The following PRDM16 variants were observed in gnomAD, a reference collection of about 807,000 sequenced individuals.
PRDM16 encodes the protein PR/SET domain 16, also known as histone-lysine N-methyltransferase PRDM16.
PRDM16 carries 23 observed loss-of-function variants against 110.6 expected under a neutral mutation model. The observed-to-expected ratio is 0.21, with a 90% CI of 0.15 to 0.29. PRDM16 has a LOEUF of 0.29. PRDM16 is among the 10% of genes least tolerant of loss of function. The pLI is 1.00. For missense variants in PRDM16, 1,615 were observed against 1,794.3 expected (o/e 0.90, Z 1.81); for synonymous variants, 799 against 781.8 (o/e 1.02, Z -0.37).
chr1:3,141,041 G>A (rs2100701529), intron 1 of PRDM16, among the ~76,000 whole-genome samples: 1 of 152,316 alleles, frequency 6.6e-6, no homozygotes, highest in Non-Finnish European at 1.5e-5. Flanking sequence ...TGGCAAGAGG[G>A]CACAGGCAAG....
chr1:3,317,973 T>C (rs532671960), intron 3 of PRDM16, among the ~76,000 whole-genome samples: 27 of 152,308 alleles, frequency 1.8e-4, no homozygotes, highest in Non-Finnish European at 3.4e-4. Context: ...TAGCGCTAAT[T>C]TGAAACCTCA....
intron 3 of PRDM16, among the ~76,000 whole-genome samples, chr1:3,315,499 AT>A (rs1209047022): frequency 6.6e-6 from 1 of 152,230 alleles, no homozygotes; most frequent in East Asian, 1.9e-4. Flanking sequence ...TTTATAAGCC[AT>A]CAATAAGAAC....
At chr1:3,418,598 AT>A in intron 11 of PRDM16, 68 bp from the exon 12 acceptor site, 1 of 1,084,382 alleles carries the variant, frequency 9.2e-7, no homozygotes, top group Non-Finnish European at 1.4e-6. Context: ...GCTTGAAACC[AT>A]TTCTGGGAAA....
Position 3,411,715 on chromosome 1 carries a change from G to T in PRDM16, c.1518G>T (p.Thr506=), listed in dbSNP as rs368589754. ...GSLPFSTAPP[T]FPALTPGFPG... Reference sequence around the variant, plus strand: ...TGCCCTTCTCCACGGCGCCTCCCACGTTCCCCGCACTCACCCCCGGCTTCC... The same window carrying T: ...TGCCCTTCTCCACGGCGCCTCCCACTTTCCCCGCACTCACCCCCGGCTTCC... The change falls in exon 9 of 17, where the codon ACG becomes ACT. Residue 506 remains threonine (T), a synonymous_variant. Transcript: ENST00000270722. 1.4e-5 allele frequency: 22 copies of T among 1,610,168 alleles called. No individual in the cohort carries two copies. Among genetic ancestry groups the T allele is most frequent in the Non-Finnish European group, 1.9e-5 (22 of 1,177,782 alleles).
chr1:3,333,150 G>A (rs546473054), intron 3 of PRDM16, among the ~76,000 whole-genome samples: 1 of 152,350 alleles, frequency 6.6e-6, no homozygotes, highest in Admixed American at 6.5e-5. Context: ...TACAGTGGCA[G>A]AGTCCAGGCA....
intron 1 of PRDM16, among the ~76,000 whole-genome samples, chr1:3,117,211 G>A (rs1642982388): frequency 6.6e-6 from 1 of 152,196 alleles, no homozygotes; most frequent in Admixed American, 6.5e-5. Context: ...CTCTATGAGA[G>A]CGTCCCCAGG....
chr1:3,162,572 G>C (rs559727828), intron 1 of PRDM16, among the ~76,000 whole-genome samples: 1 of 152,334 alleles, frequency 6.6e-6, no homozygotes, highest in South Asian at 2.1e-4. Context: ...CTGGCTTTGT[G>C]AGAGGCCTGG....
intron 1 of PRDM16, among the ~76,000 whole-genome samples, chr1:3,101,226 T>C (rs1642525642): frequency 6.6e-6 from 1 of 152,130 alleles, no homozygotes; most frequent in Non-Finnish European, 1.5e-5. Context: ...GCAAACACTC[T>C]TCCCGAGAGA....
intron 2 of PRDM16, among the ~76,000 whole-genome samples, chr1:3,195,371 GGAGA>G (rs1293875273): frequency 2.0e-5 from 3 of 152,160 alleles, no homozygotes; most frequent in Non-Finnish European, 4.4e-5. Context: ...TTAGAAAAAA[GGAGA>G]GAGAATGACT....
intron 3 of PRDM16, among the ~76,000 whole-genome samples, chr1:3,260,373 T>C (rs1335262320): frequency 6.6e-6 from 1 of 152,178 alleles, no homozygotes; most frequent in Middle Eastern, 3.2e-3. Flanking sequence ...GGAGACTTGG[T>C]GGTGAAAAGA....
chr1:3,085,823 G>A (rs1642136887), intron 1 of PRDM16, among the ~76,000 whole-genome samples: 1 of 152,260 alleles, frequency 6.6e-6, no homozygotes, highest in African/African-American at 2.4e-5. Context: ...CCTCCTACCA[G>A]GCCTACAGGG....
At chr1:3,191,116 G>T (rs1638299051) in intron 2 of PRDM16, among the ~76,000 whole-genome samples, 1 of 152,220 alleles carries the variant, frequency 6.6e-6, no homozygotes, top group South Asian at 2.1e-4. Context: ...GGCATCAGCG[G>T]CCCTGCCTGT....
At chr1:3,354,042 T>A (rs936146530) in intron 3 of PRDM16, among the ~76,000 whole-genome samples, 1 of 152,158 alleles carries the variant, frequency 6.6e-6, no homozygotes, top group Admixed American at 6.5e-5. Flanking sequence ...TGGAACCGGG[T>A]CCTGGTCCAG....
chr1:3,172,403 G>T (rs560090063), intron 1 of PRDM16, among the ~76,000 whole-genome samples: 1 of 152,282 alleles, frequency 6.6e-6, no homozygotes, highest in Admixed American at 6.5e-5. Context: ...TGGGGCTGCT[G>T]ACAGGAGCCT....
At chr1:3,074,689 G>T (rs1028064854) in intron 1 of PRDM16, among the ~76,000 whole-genome samples, 3 of 152,150 alleles carry the variant, frequency 2.0e-5, no homozygotes, top group Non-Finnish European at 4.4e-5. Flanking sequence ...ACACTCCCTC[G>T]CTCACTGCCT....
At chr1:3,294,476 C>G (rs1374217615) in intron 3 of PRDM16, among the ~76,000 whole-genome samples, 1 of 152,102 alleles carries the variant, frequency 6.6e-6, no homozygotes, top group African/African-American at 2.4e-5. Flanking sequence ...GACTTCCCCC[C>G]AGATCACCAG....
chr1:3,332,023 G>C (rs957420705), intron 3 of PRDM16, among the ~76,000 whole-genome samples: 1 of 152,234 alleles, frequency 6.6e-6, no homozygotes, highest in African/African-American at 2.4e-5. Context: ...AACAGGGGAC[G>C]GGCTTGGAGG....
intron 2 of PRDM16, among the ~76,000 whole-genome samples, chr1:3,195,044 T>C (rs908405033): frequency 6.6e-6 from 1 of 152,192 alleles, no homozygotes; most frequent in African/African-American, 2.4e-5. Flanking sequence ...CACCGGCCAG[T>C]GGATGCTCTG....
At chr1:3,240,048 G>A (rs58720687) in intron 2 of PRDM16, among the ~76,000 whole-genome samples, 11 of 96,302 alleles carry the variant, frequency 1.1e-4, no homozygotes, top group African/African-American at 4.7e-4. Flanking sequence ...AAGAGGAGAG[G>A]AGAGGAGAAG....
Sources: gnomAD v4.1 joint callset for allele counts (sites outside exome capture counted in the v4.1 genomes callset) on GRCh38, gnomAD v4.1.1 for gene constraint, MANE v1.5 for transcripts, NCBI Gene and HGNC (gene_info 2026-07-23, HGNC 2026-07-21) for gene names.